The following HECW1 variants were observed in gnomAD, a reference collection of about 807,000 sequenced individuals.
HECW1 encodes the protein E3 ubiquitin-protein ligase HECW1.
HECW1 carries 61 observed loss-of-function variants against 182.3 expected under a neutral mutation model. That is an observed-to-expected ratio of 0.33 (90% CI 0.27 to 0.41). HECW1 has a LOEUF of 0.41. Among genes scored for constraint, HECW1 ranks in the 10% least tolerant of loss-of-function variants. The pLI, the probability that HECW1 is intolerant of heterozygous loss-of-function variation, is 1.00. For synonymous variants in HECW1, 859 were observed against 832.6 expected (o/e 1.03, Z -0.55); for missense variants, 1,739 against 2,108.9 (o/e 0.82, Z 3.44).
chr7:43,129,792 A>C (rs1270670933), intron 2 of HECW1, among the ~76,000 whole-genome samples: 18 of 152,198 alleles, frequency 1.2e-4, no homozygotes, highest in Admixed American at 1.2e-3. Context: ...ACAGATGCTC[A>C]AGTCGCTGGT....
intron 3 of HECW1, among the ~76,000 whole-genome samples, chr7:43,262,320 C>T (rs954385756): frequency 1.3e-5 from 2 of 151,708 alleles, no homozygotes; most frequent in African/African-American, 2.4e-5. Context: ...AAAACAATGG[C>T]TATAATTCAT....
intron 7 of HECW1, among the ~76,000 whole-genome samples, chr7:43,401,567 G>GTTTGTT (rs2075409119): frequency 8.1e-6 from 1 of 123,188 alleles, no homozygotes; most frequent in Non-Finnish European, 1.6e-5. Context: ...ATTTAAAAAG[G>GTTTGTT]TTTTTTTTTT....
chr7:43,287,744 G>A (rs1804842662), intron 3 of HECW1, among the ~76,000 whole-genome samples: 1 of 152,222 alleles, frequency 6.6e-6, no homozygotes, highest in Non-Finnish European at 1.5e-5. Context: ...GGTGGCTGAG[G>A]CTGGGAAGAT....
At chr7:43,166,123 G>T (rs192510738) in intron 2 of HECW1, among the ~76,000 whole-genome samples, 2 of 151,992 alleles carry the variant, frequency 1.3e-5, no homozygotes, top group African/African-American at 4.8e-5. Context: ...TCACTCTTTC[G>T]CCCAGGCTGG....
intron 12 of HECW1, among the ~76,000 whole-genome samples, chr7:43,453,046 G>A (rs1393240681): frequency 6.6e-6 from 1 of 152,204 alleles, no homozygotes; most frequent in East Asian, 1.9e-4. Flanking sequence ...CCATTTAAGG[G>A]CTTTGTAAAT....
chr7:43,546,781 G>A (rs1279480721), intron 26 of HECW1, among the ~76,000 whole-genome samples: 1 of 152,084 alleles, frequency 6.6e-6, no homozygotes, highest in Non-Finnish European at 1.5e-5. Context: ...AGGCTCGGGG[G>A]TTAAAGCTTT....
At chr7:43,131,708 A>G (rs535097649) in intron 2 of HECW1, among the ~76,000 whole-genome samples, 2 of 152,318 alleles carry the variant, frequency 1.3e-5, no homozygotes, top group African/African-American at 4.8e-5. Context: ...GTCAGTGCTC[A>G]GCGCTATGAT....
intron 6 of HECW1, among the ~76,000 whole-genome samples, chr7:43,384,312 G>T (rs1292566685): frequency 6.6e-6 from 1 of 152,170 alleles, no homozygotes; most frequent in East Asian, 1.9e-4. Context: ...AGTATTTAAT[G>T]AAAGATTAAT....
chr7:43,283,820 C>G (rs1490497662), intron 3 of HECW1, among the ~76,000 whole-genome samples: 1 of 152,160 alleles, frequency 6.6e-6, no homozygotes, highest in Non-Finnish European at 1.5e-5. Flanking sequence ...TTTAATGCAG[C>G]AATCTATTTC....
Position 43,336,457 on chromosome 7 carries a change from C to A in HECW1, c.460+15715C>A, listed in dbSNP as rs534126702. 5.7e-4 allele frequency among the ~76,000 whole-genome samples: 87 copies of A among 152,138 alleles called. 1 individual carries two copies. Among genetic ancestry groups the A allele is most frequent in the Admixed American group, 4.6e-4 (7 of 15,268 alleles). ...TGCTGGGATTACAGGTGTGAGCCAC[C>A]ACTCCCAGCCAAGATTTGGACTTTT... On this transcript the variant is annotated intron_variant, in intron 5 of 29. Transcript: ENST00000395891.
At chr7:43,403,235 TGAGTAAATCTCAAA>T (rs1256297131) in intron 7 of HECW1, among the ~76,000 whole-genome samples, 1 of 152,106 alleles carries the variant, frequency 6.6e-6, no homozygotes, top group African/African-American at 2.4e-5. Flanking sequence ...CCAGGGAAAA[TGAGTAAATCTCAAA>T]GAAGTGGCTT....
At chr7:43,544,530 T>A (rs1462244768) in intron 26 of HECW1, among the ~76,000 whole-genome samples, 1 of 152,220 alleles carries the variant, frequency 6.6e-6, no homozygotes, top group Non-Finnish European at 1.5e-5. Context: ...TGTGATTCAC[T>A]CTCTATGAAA....
intron 3 of HECW1, among the ~76,000 whole-genome samples, chr7:43,292,453 T>C (rs1270833468): frequency 6.6e-6 from 1 of 152,220 alleles, no homozygotes; most frequent in Non-Finnish European, 1.5e-5. Context: ...GGTGTAGTTA[T>C]AAGAACAACT....
rs531794884 is a variant in HECW1, at chr7:43,525,808, C to T, written c.4020-15355C>T. On this transcript the variant is annotated intron_variant, in intron 24 of 29. Coordinates refer to ENST00000395891, the MANE Select transcript of HECW1 (RefSeq NM_015052.5). Reference sequence around the variant, plus strand: ...TAATCCAGGAAATGGATCCTCCAGCCTAGGCTGAGAGCAGATCAGCCTTGG... The same window carrying T: ...TAATCCAGGAAATGGATCCTCCAGCTTAGGCTGAGAGCAGATCAGCCTTGG... 2.6e-5 allele frequency among the ~76,000 whole-genome samples: 4 copies of T among 152,308 alleles called. No individual in the cohort carries two copies. In the South Asian group the frequency reaches 8.3e-4, roughly 32 times the overall value.
intron 2 of HECW1, among the ~76,000 whole-genome samples, chr7:43,180,716 G>A (rs1441183126): frequency 6.6e-6 from 1 of 152,130 alleles, no homozygotes; most frequent in Non-Finnish European, 1.5e-5. Flanking sequence ...ATTTTTAATC[G>A]ACACATAATA....
At chr7:43,530,363 T>A (rs2080933331) in intron 24 of HECW1, among the ~76,000 whole-genome samples, 1 of 152,080 alleles carries the variant, frequency 6.6e-6, no homozygotes, top group Non-Finnish European at 1.5e-5. Flanking sequence ...TTTTATTATA[T>A]CTTTATTATA....
At chr7:43,483,094 C>A (rs911436927) in intron 17 of HECW1, among the ~76,000 whole-genome samples, 1 of 152,194 alleles carries the variant, frequency 6.6e-6, no homozygotes, top group South Asian at 2.1e-4. Context: ...AACAGGTTCC[C>A]GCTTGCTGTG....
rs541002886 is a variant in HECW1, at chr7:43,296,974, CCTT to C, written c.28-14786_28-14784del. 2.4e-4 allele frequency among the ~76,000 whole-genome samples: 37 copies of C among 152,328 alleles called. No individual in the cohort carries two copies. The South Asian group carries it at 7.7e-3, about 32-fold the overall frequency. On this transcript the variant is annotated intron_variant, in intron 3 of 29. Transcript: ENST00000395891. ...CACCAATTAGAGACAGTGATGGCCT[CCTT>C]CTGAGTGCTTGCCTGCTGGTCAGAA...
intron 2 of HECW1, among the ~76,000 whole-genome samples, chr7:43,228,068 G>A (rs1330730658): frequency 6.6e-6 from 1 of 152,220 alleles, no homozygotes; most frequent in Non-Finnish European, 1.5e-5. Context: ...AAATTAAAGT[G>A]TTAGGAGGAA....
Sources: allele counts gnomAD v4.1 joint callset (sites outside exome capture counted in the v4.1 genomes callset), GRCh38; gene constraint gnomAD v4.1.1; transcripts MANE v1.5; gene names NCBI Gene and HGNC (gene_info 2026-07-23, HGNC 2026-07-21).